The following ADGRE5 variants were observed in gnomAD, a reference collection of about 807,000 sequenced individuals.
ADGRE5 encodes the protein CD97 molecule.
A neutral mutation model predicts 100.3 loss-of-function variants in ADGRE5; 72 were observed. That is an observed-to-expected ratio of 0.72 (90% CI 0.59 to 0.87). The LOEUF (loss-of-function observed/expected upper bound fraction) is 0.87. ADGRE5 is among the 40% of genes least tolerant of loss of function. The probability of loss-of-function intolerance (pLI) is 0.00; values close to 1 mark genes in which losing one functional copy is unlikely to be tolerated. For missense variants in ADGRE5, 959 were observed against 1,094.7 expected (o/e 0.88, Z 1.75); for synonymous variants, 439 against 447.8 (o/e 0.98, Z 0.25).
chr19:14,404,535 G>A lies in ADGRE5; in HGVS notation c.1602G>A (p.Ala534=), dbSNP rs374525465. Residue 534 remains alanine, a synonymous_variant, in exon 13 of 20, where the codon GCG becomes GCA. Coordinates refer to ENST00000242786, the MANE Select transcript of ADGRE5 (RefSeq NM_078481.4). ...TCQCSHLSSF[A]ILMAHYDVED... is the part of the protein sequence containing the mutation. ...AATGCAGCCACCTGAGCAGCTTTGC[G>A]ATCCTTATGGCTCATTATGACGTGG... is the stretch of plus-strand genomic sequence containing the variant. The A allele has an allele frequency of 5.6e-6, 9 of 1,613,114 alleles. No homozygotes were observed. Among genetic ancestry groups the A allele is most frequent in the Middle Eastern group, 1.6e-4 (1 of 6,082 alleles).
chr19:14,397,092 C>A lies in ADGRE5; in HGVS notation c.494C>A (p.Thr165Asn). The change falls in exon 6 of 20, where the codon ACC (threonine) becomes AAC (asparagine). Residue 165 changes from threonine to asparagine, a missense_variant. Thr to Asn is a moderately conservative substitution (Grantham distance 65, BLOSUM62 0). Coordinates refer to ENST00000242786, the MANE Select transcript of ADGRE5 (RefSeq NM_078481.4). Reference sequence around the variant, plus strand: ...TTGTCCTCAGATGTGAATGAATGCACCTCCGGACAAAACCCGTGCCACAGC... The same window carrying A: ...TTGTCCTCAGATGTGAATGAATGCAACTCCGGACAAAACCCGTGCCACAGC... Reference protein sequence around the residue: ...PKVCTDVNECTSGQNPCHSST... With the variant: ...PKVCTDVNECNSGQNPCHSST... The A allele has an allele frequency of 3.1e-6, 5 of 1,613,986 alleles. 1 individual carries two copies. The South Asian group carries it at 5.5e-5, about 18-fold the overall frequency.
At chr19:14,403,017 C>T (rs1254669130) in intron 12 of ADGRE5, among the ~76,000 whole-genome samples, 155 bp downstream of exon 12, 3 of 151,948 alleles carry the variant, frequency 2.0e-5, no homozygotes, top group Admixed American at 6.6e-5. Flanking sequence ...TTATTTATTT[C>T]CTTACTTTAT....
At chr19:14,390,844 T>G in intron 3 of ADGRE5, 80 bp from the exon 4 acceptor site, 4 of 1,529,752 alleles carry the variant, frequency 2.6e-6, no homozygotes, top group Non-Finnish European at 3.6e-6. Context: ...AGGCCCCATG[T>G]TGGGGAGTCA....
chr19:14,405,433 C>T, intron 13 of ADGRE5: 1 of 313,554 alleles, frequency 3.2e-6, no homozygotes, highest in Non-Finnish European at 5.9e-6. Flanking sequence ...CATGAGCCAC[C>T]ACACCCAGCC....
intron 6 of ADGRE5, 59 bp from the exon 7 acceptor site, chr19:14,397,599 A>G: frequency 6.2e-7 from 1 of 1,605,718 alleles, no homozygotes; most frequent in South Asian, 1.1e-5. Flanking sequence ...GGGCACAGAC[A>G]GGAGACAGGA....
intron 9 of ADGRE5, 79 bp downstream of exon 9, chr19:14,398,218 C>A: frequency 7.5e-7 from 1 of 1,331,768 alleles, no homozygotes; most frequent in Non-Finnish European, 1.1e-6. Flanking sequence ...GAGAGAGTGC[C>A]CAACCCAAGC....
At position 14,396,474 on chromosome 19, in the gene ADGRE5, G is replaced by A. The variant is rs756808351; in HGVS notation, c.478+1G>A. On this transcript the variant is annotated splice_donor_variant, in intron 5 of 19. Transcript: ENST00000242786. LOFTEE classifies it high-confidence loss of function. ...CCTGAGGATCCGAAGGTCTGCACAGGTAGAGGCCCCAGGAAGACGCCGTGA... is the reference window on the plus strand; with the variant it reads ...CCTGAGGATCCGAAGGTCTGCACAGATAGAGGCCCCAGGAAGACGCCGTGA... 1 of 1,614,100 alleles carries A rather than the reference G, an allele frequency of 6.2e-7. No homozygotes were observed. Among genetic ancestry groups the A allele is most frequent in the African/African-American group, 1.3e-5 (1 of 74,962 alleles).
At chr19:14,400,724 G>A (rs1007764297) in intron 9 of ADGRE5, among the ~76,000 whole-genome samples, 3 of 152,070 alleles carry the variant, frequency 2.0e-5, no homozygotes, top group Non-Finnish European at 2.9e-5. Context: ...CCCAGAAGTC[G>A]GAGGTTGCAG....
chr19:14,388,572 C>T (rs1445033588), intron 2 of ADGRE5, 72 bp downstream of exon 2: 10 of 1,594,666 alleles, frequency 6.3e-6, no homozygotes, highest in Non-Finnish European at 8.6e-6. Flanking sequence ...CCCCGCCCAG[C>T]CCCCTTCAGC....
chr19:14,387,727 C>CA (rs952896625), intron 1 of ADGRE5, among the ~76,000 whole-genome samples: 18 of 143,260 alleles, frequency 1.3e-4, no homozygotes, highest in African/African-American at 1.8e-4. Context: ...GACTCCGTTT[C>CA]AAAAAAAAAA....
intron 9 of ADGRE5, among the ~76,000 whole-genome samples, chr19:14,400,899 C>G (rs962512331): frequency 2.6e-5 from 4 of 151,944 alleles, no homozygotes; most frequent in Admixed American, 6.6e-5. Flanking sequence ...GATCTGAGAT[C>G]GTGCCATTGC....
intron 9 of ADGRE5, among the ~76,000 whole-genome samples, chr19:14,399,787 A>G (rs1419002200): frequency 6.6e-6 from 1 of 151,934 alleles, no homozygotes; most frequent in Non-Finnish European, 1.5e-5. Context: ...AGCACAGTAG[A>G]AAAATGATGT....
chr19:14,405,828 G>A lies in ADGRE5; in HGVS notation c.1710G>A (p.Leu570=), dbSNP rs1180845440. The A allele has an allele frequency of 1.2e-6, 2 of 1,613,668 alleles. No individual in the cohort carries two copies. Among genetic ancestry groups the A allele is most frequent in the African/African-American group, 1.3e-5 (1 of 75,048 alleles). ...FCLLLCILTF[L]LVRPIQGSRT... ...TGCTGCTGTGCATCCTCACTTTCCT[G>A]CTGGTGCGGCCCATCCAGGGCTCGC... The change falls in exon 14 of 20, where the codon CTG becomes CTA. Residue 570 remains leucine (L), a synonymous_variant. Coordinates refer to ENST00000242786, the MANE Select transcript of ADGRE5 (RefSeq NM_078481.4).
At chr19:14,400,202 A>G (rs910075720) in intron 9 of ADGRE5, among the ~76,000 whole-genome samples, 1 of 151,824 alleles carries the variant, frequency 6.6e-6, no homozygotes, top group Non-Finnish European at 1.5e-5. Flanking sequence ...TGCATTTTTT[A>G]GTAGAGATGG....
rs1045958272 is a variant in ADGRE5 at position 14,406,250 on chromosome 19, G to T, written c.1822-81G>T. The T allele has an allele frequency of 5.2e-6, 6 of 1,154,714 alleles. No individual in the cohort carries two copies. The highest frequency in any genetic ancestry group is 6.1e-6 in the Non-Finnish European group (5 of 826,418). 71.5% of individuals were successfully genotyped at this position (1,154,714 alleles called of 1,614,324 possible). A position where few individuals can be genotyped will look rare whatever the true frequency, so the allele number is the denominator to read the frequency against. On this transcript the variant is annotated intron_variant, in intron 14 of 19. Coordinates refer to ENST00000242786, the MANE Select transcript of ADGRE5 (RefSeq NM_078481.4). This position sits in a 1 kb window ranked among gnomAD's most constrained non-coding sequence, Gnocchi z 6.0. The stretch of plus-strand genomic sequence containing the variant: ...CGGCTGTGGTCCCGCCCACTCTCGG[G>T]ACCTGGCAGGCGACTGGCTCTGGCG...
intron 1 of ADGRE5, among the ~76,000 whole-genome samples, chr19:14,384,847 T>TTCTCTTTCTC (rs1405988387): frequency 6.6e-6 from 1 of 151,558 alleles, no homozygotes; most frequent in Non-Finnish European, 1.5e-5. Flanking sequence ...CTCCTCTGTC[T>TTCTCTTTCTC]TATATTTCTC....
chr19:14,405,951 C>A lies in ADGRE5; in HGVS notation c.1821+12C>A. 1 of 1,600,724 alleles carries A rather than the reference C, an allele frequency of 6.2e-7. No homozygotes were observed. The highest frequency in any genetic ancestry group is 8.5e-7 in the Non-Finnish European group (1 of 1,178,162). ...ACGAAGGCGGCCAGGTGAGGTCCCG[C>A]CCCGCTCCCTCCTGAGCTCTGGGGT... On this transcript the variant is annotated intron_variant, in intron 14 of 19. Transcript: ENST00000242786.
intron 4 of ADGRE5, among the ~76,000 whole-genome samples, chr19:14,394,446 G>A (rs989731446): frequency 3.3e-5 from 5 of 152,066 alleles, no homozygotes; most frequent in African/African-American, 1.2e-4. Flanking sequence ...AGGCATCTCA[G>A]GGCCATCCTA....
intron 9 of ADGRE5, among the ~76,000 whole-genome samples, chr19:14,399,359 T>C (rs1975914025): frequency 6.7e-6 from 1 of 148,982 alleles, no homozygotes; most frequent in Admixed American, 6.7e-5. Flanking sequence ...GATCAAGAGT[T>C]TGAGACCAGC....
Sources: allele counts gnomAD v4.1 joint callset (sites outside exome capture counted in the v4.1 genomes callset), GRCh38; gene constraint gnomAD v4.1.1; non-coding constraint Gnocchi (gnomAD v3.1); transcripts MANE v1.5; gene names NCBI Gene and HGNC (gene_info 2026-07-23, HGNC 2026-07-21).